DENND1A: variants seen among roughly 807,000 people sequenced by gnomAD.
DENND1A encodes the protein DENN domain-containing protein 1A.
Under a neutral mutation model 113.7 loss-of-function variants are expected in DENND1A, and 51 were observed. That is an observed-to-expected ratio of 0.45 (90% CI 0.36 to 0.57). The LOEUF is 0.57. DENND1A is among the 20% of genes least tolerant of loss of function. The pLI, the probability that DENND1A is intolerant of heterozygous loss-of-function variation, is 0.00. For missense variants in DENND1A, 1,258 were observed against 1,395.9 expected, an observed-to-expected ratio of 0.90 and a Z score of 1.57; for synonymous variants, 565 against 570.8, an observed-to-expected ratio of 0.99 and a Z score of 0.14.
intron 10 of DENND1A, among the ~76,000 whole-genome samples, chr9:123,615,797 G>C (rs1248343848): frequency 1.3e-5 from 2 of 152,212 alleles, no homozygotes; most frequent in African/African-American, 4.8e-5. Flanking sequence ...GCCTCCCATG[G>C]TGCCATGTGC....
intron 13 of DENND1A, among the ~76,000 whole-genome samples, chr9:123,555,335 A>G (rs1352736546): frequency 6.6e-6 from 1 of 152,122 alleles, no homozygotes; most frequent in African/African-American, 2.4e-5. Context: ...TACACTCCTC[A>G]CAGGGTAAAG....
intron 13 of DENND1A, among the ~76,000 whole-genome samples, chr9:123,499,772 T>C (rs2052303463): frequency 6.6e-6 from 1 of 152,206 alleles, no homozygotes; most frequent in Non-Finnish European, 1.5e-5. Flanking sequence ...TTCAGGGAAG[T>C]GCTGCCGAGC....
At chr9:123,639,454 CA>C (rs1170557545) in intron 9 of DENND1A, among the ~76,000 whole-genome samples, 1,115 of 76,350 alleles carry the variant, frequency 0.015, 14 homozygotes, top group East Asian at 0.077. Flanking sequence ...AACCCCCTAC[CA>C]AAAAAAAAAA....
At chr9:123,538,805 CATACATATATATATAT>C (rs1197220864) in intron 13 of DENND1A, among the ~76,000 whole-genome samples, 578 of 50,064 alleles carry the variant, frequency 0.012, 44 homozygotes, top group African/African-American at 0.022. Flanking sequence ...GGTGACAACT[CATACATATATATATAT>C]ATATATATAT....
At chr9:123,413,778 T>A (rs962656442) in intron 19 of DENND1A, 1 of 985,234 alleles carries the variant, frequency 1.0e-6, no homozygotes, top group Non-Finnish European at 1.2e-6. Context: ...GGCCACCATG[T>A]TTTTTCCCCT....
chr9:123,913,129 A>C (rs937289867), intron 1 of DENND1A, among the ~76,000 whole-genome samples: 5 of 151,988 alleles, frequency 3.3e-5, no homozygotes, highest in African/African-American at 4.8e-5. Context: ...AAAAAAAAAA[A>C]AAAAAAAAAC....
chr9:123,786,772 G>GAGAGTCAA (rs1241263331), intron 3 of DENND1A, among the ~76,000 whole-genome samples: 5 of 152,304 alleles, frequency 3.3e-5, no homozygotes, highest in African/African-American at 1.2e-4. Context: ...TCCTTTGGAT[G>GAGAGTCAA]AGAGTCAAAT....
intron 13 of DENND1A, among the ~76,000 whole-genome samples, chr9:123,527,081 C>G (rs80142872): frequency 1.5e-3 from 233 of 152,292 alleles, no homozygotes; most frequent in African/African-American, 5.3e-3. Context: ...CTGGGTTGGT[C>G]TTGTTTTACT....
Position 123,676,802 on chromosome 9 carries a change from G to A in DENND1A, c.303-13C>T. 1 of 1,613,172 alleles carries A rather than the reference G, an allele frequency of 6.2e-7. No homozygotes were observed. Among genetic ancestry groups the A allele is most frequent in the Non-Finnish European group, 8.5e-7 (1 of 1,179,202 alleles). ...CCAGGGGAGATAGCTGGAGGAAGAA[G>A]AGGAAACACATGAAATATTAGTATG... On this transcript the variant is annotated splice_polypyrimidine_tract_variant and intron_variant, in intron 5 of 23. Coordinates refer to ENST00000394215, the MANE Select transcript of DENND1A (RefSeq NM_001352964.2).
intron 19 of DENND1A, chr9:123,414,048 G>A (rs2044522964): frequency 1.0e-6 from 1 of 992,994 alleles, no homozygotes; most frequent in East Asian, 1.1e-4. Context: ...CCTCTGGCTT[G>A]GGCTATTTCC....
At position 123,693,158 on chromosome 9, in the gene DENND1A, C is replaced by T. The variant is rs1053961645; in HGVS notation, c.303-16369G>A. Among the ~76,000 whole-genome samples the T allele has an allele frequency of 6.6e-5, 10 of 152,262 alleles. 1 individual carries two copies. The highest frequency in any genetic ancestry group is 3.3e-4 in the Admixed American group (5 of 15,296). ...TGGATACAGCTATGTAACCACCACC[C>T]GCAATGAATCCATACAACATTTCCA... On this transcript the variant is annotated intron_variant, in intron 5 of 23. Coordinates refer to ENST00000394215, the MANE Select transcript of DENND1A (RefSeq NM_001352964.2).
At chr9:123,740,759 C>T (rs1409777062) in intron 5 of DENND1A, among the ~76,000 whole-genome samples, 1 of 152,062 alleles carries the variant, frequency 6.6e-6, no homozygotes, top group Non-Finnish European at 1.5e-5. Flanking sequence ...TCACATGGCT[C>T]GTAAGTCAGA....
At chr9:123,648,482 A>G (rs1270686242) in intron 9 of DENND1A, among the ~76,000 whole-genome samples, 1 of 152,202 alleles carries the variant, frequency 6.6e-6, no homozygotes, top group African/African-American at 2.4e-5. Flanking sequence ...ATGCTAATTC[A>G]TGCCTTTTGC....
chr9:123,897,644 T>A (rs1394099452), intron 1 of DENND1A, among the ~76,000 whole-genome samples: 1 of 152,118 alleles, frequency 6.6e-6, no homozygotes, highest in Admixed American at 6.5e-5. Flanking sequence ...GATTTTGAAC[T>A]CCAGGGCTCA....
intron 3 of DENND1A, among the ~76,000 whole-genome samples, chr9:123,780,365 A>G (rs1321878857): frequency 6.6e-6 from 1 of 152,222 alleles, no homozygotes; most frequent in Non-Finnish European, 1.5e-5. Context: ...TCCCCAGAGT[A>G]TCTGGCACAG....
chr9:123,506,136 T>A (rs1222803202), intron 13 of DENND1A, among the ~76,000 whole-genome samples: 1 of 152,240 alleles, frequency 6.6e-6, no homozygotes, highest in Non-Finnish European at 1.5e-5. Context: ...CTAGCTGTGT[T>A]ACCTTGGGCA....
intron 2 of DENND1A, among the ~76,000 whole-genome samples, chr9:123,800,042 T>C (rs911878894): frequency 3.3e-5 from 5 of 152,256 alleles, no homozygotes; most frequent in African/African-American, 1.2e-4. Context: ...AATTTTCCCA[T>C]TGCCTTCTAC....
chr9:123,857,362 T>C (rs983910287), intron 2 of DENND1A, among the ~76,000 whole-genome samples: 1 of 152,112 alleles, frequency 6.6e-6, no homozygotes, highest in Non-Finnish European at 1.5e-5. Flanking sequence ...AGTAACAACC[T>C]TGAATAAGAA....
chr9:123,439,135 G>A (rs745386371), intron 19 of DENND1A, among the ~76,000 whole-genome samples: 2 of 152,262 alleles, frequency 1.3e-5, no homozygotes, highest in African/African-American at 2.4e-5. Context: ...CCTGAGCCTG[G>A]AGCTGGGGGG....
Sources: allele counts gnomAD v4.1 joint callset (sites outside exome capture counted in the v4.1 genomes callset), GRCh38; gene constraint gnomAD v4.1.1; transcripts MANE v1.5; gene names NCBI Gene and HGNC (gene_info 2026-07-23, HGNC 2026-07-21).